Variants in UTP15 observed in about 807,000 individuals in gnomAD.
UTP15 encodes the protein U3 small nucleolar RNA-associated protein 15 homolog.
UTP15 carries 5 observed loss-of-function variants against 59.1 expected under a neutral mutation model. The ratio of observed to expected loss-of-function variants is 0.08; its 90% CI spans 0.04 to 0.18. UTP15 has a LOEUF of 0.18. Ranked by LOEUF, UTP15 falls within the 10% of genes least tolerant of loss-of-function variation. The pLI is 1.00. For synonymous variants in UTP15, 211 were observed against 212.2 expected (o/e 0.99, Z 0.05); for missense variants, 494 against 616.7 (o/e 0.80, Z 2.11).
At chr5:73,572,664 C>T (rs1452833962) in intron 7 of UTP15, 40 bp downstream of exon 7, 100 of 1,570,388 alleles carry the variant, frequency 6.4e-5, no homozygotes, top group Non-Finnish European at 8.2e-5. Flanking sequence ...TATTAGTGTA[C>T]ACCTGTTTAC....
intron 6 of UTP15, among the ~76,000 whole-genome samples, chr5:73,571,236 C>G (rs78134575): frequency 0.02 from 2,970 of 151,204 alleles, 46 homozygotes; most frequent in Non-Finnish European, 0.028. Context: ...AGATCTGCAG[C>G]AGCTTTTGAA....
intron 2 of UTP15, 140 bp from the exon 3 acceptor site, chr5:73,568,095 C>A: frequency 1.6e-6 from 1 of 616,254 alleles, no homozygotes; most frequent in Non-Finnish European, 2.6e-6. Flanking sequence ...ACCTTTTTTG[C>A]TTTCTTTGTA....
At position 73,581,123 on chromosome 5, in the gene UTP15, A is replaced by T. The variant is rs1017039949; in HGVS notation, c.*1029A>T. The T allele has an allele frequency of 5.9e-5, 9 of 151,356 alleles. No individual in the cohort carries two copies. Among genetic ancestry groups the T allele is most frequent in the Non-Finnish European group, 1.3e-4 (9 of 67,936 alleles). 9.4% of individuals were successfully genotyped at this position (151,356 alleles called of 1,614,324 possible). A position where few individuals can be genotyped will look rare whatever the true frequency, so the allele number is the denominator to read the frequency against. On this transcript the variant is annotated 3_prime_UTR_variant, in exon 13 of 13. Transcript: ENST00000296792. ...GGCTGGAGTACAGTGATGCAATCTC[A>T]GTCCACTGCAACCTCTGCCCTCCCG...
Position 73,572,516 on chromosome 5 carries a change from T to C in UTP15, c.701T>C (p.Met234Thr), listed in dbSNP as rs1205361765. The C allele has an allele frequency of 5.6e-6, 9 of 1,614,058 alleles. No homozygotes were observed. The Admixed American group carries it at 1.2e-4, about 21-fold the overall frequency. The change falls in exon 7 of 13, where the codon ATG becomes ACG. Residue 234 changes from methionine to threonine, a missense_variant. Coordinates refer to ENST00000296792, the MANE Select transcript of UTP15 (RefSeq NM_032175.4). ...AGGRYVKVWDMLKGGQLLVSL... is the reference protein window; with the variant it reads ...AGGRYVKVWDTLKGGQLLVSL... ...GGTCGTTATGTTAAAGTCTGGGACA[T>C]GTTAAAAGGAGGACAATTGCTAGTA... is the stretch of plus-strand genomic sequence containing the variant.
rs1383450318 is a variant in UTP15, at chr5:73,581,459, C to G, written c.*1365C>G. ...AGTAACTCCTAGTACACTGGTTTCA[C>G]AGTTGCTACCTCTCCTGCTTTTCTC... On this transcript the variant is annotated 3_prime_UTR_variant, in exon 13 of 13. Transcript: ENST00000296792. The G allele has an allele frequency of 2.0e-5, 3 of 152,146 alleles. No homozygotes were observed. The East Asian group carries it at 5.8e-4, about 29-fold the overall frequency. 9.4% of individuals were successfully genotyped at this position (152,146 alleles called of 1,614,324 possible). A position where few individuals can be genotyped will look rare whatever the true frequency, so the allele number is the denominator to read the frequency against.
At position 73,565,833 on chromosome 5, in the gene UTP15, G is replaced by T. The variant is rs1747736777; in HGVS notation, c.-163G>T. ...TTTTACGCCAGTGCTGCTGAACTGT[G>T]CAGGGTAGGGAGCTGGCACAGTCCG... On this transcript the variant is annotated 5_prime_UTR_variant, in exon 1 of 13. Transcript: ENST00000296792. 4.4e-6 allele frequency: 2 copies of T among 456,200 alleles called. No homozygotes were observed. Among genetic ancestry groups the T allele is most frequent in the African/African-American group, 2.0e-5 (1 of 50,074 alleles). 28.3% of individuals were successfully genotyped at this position (456,200 alleles called of 1,614,324 possible).
In UTP15 at chr5:73,572,187, T is replaced by TAA. The variant is rs1190223475; in HGVS notation, c.674-297_674-296dup. Among the ~76,000 whole-genome samples the TAA allele has an allele frequency of 2.0e-5, 3 of 152,340 alleles. 1 individual carries two copies. Among genetic ancestry groups the TAA allele is most frequent in the Admixed American group, 2.0e-4 (3 of 15,296 alleles). ...TTCCACTGCTATATAGAATTTCTTTTAAAAAATGATTTTATTATAATTTTC... is the reference window on the plus strand; with the variant it reads ...TTCCACTGCTATATAGAATTTCTTTTAAAAAAAATGATTTTATTATAATTTTC... On this transcript the variant is annotated intron_variant, in intron 6 of 12. Transcript: ENST00000296792.
At position 73,579,953 on chromosome 5, in the gene UTP15, A is replaced by G. The variant is rs773178949; in HGVS notation, c.1416A>G (p.Lys472=). 6.2e-7 allele frequency: 1 copy of G among 1,613,876 alleles called. No individual in the cohort carries two copies. The highest frequency in any genetic ancestry group is 1.1e-5 in the South Asian group (1 of 91,078). ...KFLLLQGLVE[K]EIDYQRELLE... The stretch of plus-strand genomic sequence containing the variant: ...TACTACTTCAAGGACTTGTAGAAAA[A>G]GAGATTGATTACCAAAGAGAATTGT... The change falls in exon 13 of 13, where the codon AAA becomes AAG. Residue 472 remains lysine, a synonymous_variant. Coordinates refer to ENST00000296792, the MANE Select transcript of UTP15 (RefSeq NM_032175.4).
At position 73,580,137 on chromosome 5, in the gene UTP15, G is replaced by A. The variant is rs756798738; in HGVS notation, c.*43G>A. The A allele has an allele frequency of 1.3e-6, 2 of 1,548,190 alleles. No individual in the cohort carries two copies. Among genetic ancestry groups the A allele is most frequent in the East Asian group, 2.3e-5 (1 of 44,306 alleles). On this transcript the variant is annotated 3_prime_UTR_variant, in exon 13 of 13. Coordinates refer to ENST00000296792, the MANE Select transcript of UTP15 (RefSeq NM_032175.4). The stretch of plus-strand genomic sequence containing the variant: ...ATATAAGAACTCTGAAGTTGGAATA[G>A]ATTTGACTGTATTAAATGTTGGCGA...
chr5:73,574,113 A>G (rs1580391982), intron 7 of UTP15, among the ~76,000 whole-genome samples: 1 of 152,076 alleles, frequency 6.6e-6, no homozygotes, highest in East Asian at 1.9e-4. Context: ...ACTTGAGGCC[A>G]GGAGTTTGAG....
chr5:73,569,557 T>C lies in UTP15; in HGVS notation c.429T>C (p.Asp143=), dbSNP rs540937908. Residue 143 remains aspartate (D), a synonymous_variant, in exon 5 of 13, where the codon GAT becomes GAC. Coordinates refer to ENST00000296792, the MANE Select transcript of UTP15 (RefSeq NM_032175.4). The part of the protein sequence containing the change: ...DKYHVVSGAD[D]YTVKLWDIPN... ...ATCACGTGGTCTCTGGGGCTGATGA[T>C]TATACAGTTAAATTATGGGATATTC... The C allele has an allele frequency of 1.2e-5, 20 of 1,613,828 alleles. No homozygotes were observed. In the South Asian group the frequency reaches 2.2e-4, roughly 18 times the overall value.
At chr5:73,578,591 G>C (rs111700666) in intron 9 of UTP15, among the ~76,000 whole-genome samples, 160 bp from the exon 10 acceptor site, 11 of 150,948 alleles carry the variant, frequency 7.3e-5, no homozygotes, top group African/African-American at 2.7e-4. Context: ...TTTTGACTCT[G>C]ATTAGCAGGA....
chr5:73,578,176 G>A, intron 9 of UTP15, 171 bp downstream of exon 9: 2 of 610,126 alleles, frequency 3.3e-6, no homozygotes, highest in Non-Finnish European at 5.5e-6. Context: ...TGAGTAATGG[G>A]GAACAAGGAC....
intron 7 of UTP15, among the ~76,000 whole-genome samples, chr5:73,576,188 T>C (rs769864489): frequency 2.6e-5 from 4 of 151,732 alleles, no homozygotes; most frequent in Non-Finnish European, 5.9e-5. Flanking sequence ...CACTGCAACC[T>C]CTGCCTCCCA....
chr5:73,569,447 C>A, intron 4 of UTP15, 50 bp from the exon 5 acceptor site: 1 of 1,359,924 alleles, frequency 7.4e-7, no homozygotes, highest in South Asian at 1.7e-5. Context: ...TAGAAGGTAT[C>A]AGAAAAATAA....
At chr5:73,578,633 A>G in intron 9 of UTP15, 118 bp from the exon 10 acceptor site, 2 of 819,822 alleles carry the variant, frequency 2.4e-6, no homozygotes, top group Non-Finnish European at 3.9e-6. Flanking sequence ...TTATGGGCAT[A>G]TGAACATTAT....
chr5:73,578,306 T>C (rs918427649), intron 9 of UTP15: 1 of 324,368 alleles, frequency 3.1e-6, no homozygotes, highest in Non-Finnish European at 5.7e-6. Flanking sequence ...GAACCAATCA[T>C]GTCCCTGTTT....
chr5:73,568,685 T>C (rs570398664), intron 4 of UTP15, 81 bp downstream of exon 4: 22 of 1,341,336 alleles, frequency 1.6e-5, no homozygotes, highest in East Asian at 2.3e-5. Flanking sequence ...GTTAAAAAGA[T>C]AGAGATCAGT....
At chr5:73,573,472 T>C (rs941416441) in intron 7 of UTP15, among the ~76,000 whole-genome samples, 2 of 152,056 alleles carry the variant, frequency 1.3e-5, no homozygotes, top group African/African-American at 4.8e-5. Context: ...GGTCTCGAAC[T>C]TCTGGCCTCG....
Sources: allele counts gnomAD v4.1 joint callset (sites outside exome capture counted in the v4.1 genomes callset), GRCh38; gene constraint gnomAD v4.1.1; transcripts MANE v1.5; gene names NCBI Gene and HGNC (gene_info 2026-07-23, HGNC 2026-07-21).